Variants in THADA observed in about 807,000 individuals in gnomAD.
THADA encodes the protein THADA armadillo repeat containing.
In THADA, 213 loss-of-function variants were observed where a neutral mutation model predicts 219.8. The ratio of observed to expected loss-of-function variants is 0.97; its 90% CI spans 0.87 to 1.09. The LOEUF (loss-of-function observed/expected upper bound fraction) is 1.09. Ranked by LOEUF, THADA falls within the 50% of genes least tolerant of loss-of-function variation. The pLI is 0.00. For synonymous variants in THADA, 1,018 were observed against 828.9 expected (o/e 1.23, Z -3.92); for missense variants, 2,956 against 2,311.3 (o/e 1.28, Z -5.72).
intron 34 of THADA, among the ~76,000 whole-genome samples, chr2:43,288,693 T>A (rs921497598): frequency 2.0e-5 from 3 of 152,214 alleles, no homozygotes; most frequent in African/African-American, 7.2e-5. Context: ...TCAGGGTTTT[T>A]AAGGAAGCTT....
chr2:43,409,925 G>A (rs946962895), intron 28 of THADA, among the ~76,000 whole-genome samples: 3 of 151,952 alleles, frequency 2.0e-5, no homozygotes, highest in African/African-American at 7.3e-5. Context: ...GCTGAGGTAG[G>A]AGGATTGCTT....
intron 26 of THADA, among the ~76,000 whole-genome samples, chr2:43,433,908 C>T (rs1187020892): frequency 1.3e-5 from 2 of 152,162 alleles, no homozygotes; most frequent in African/African-American, 2.4e-5. Context: ...AGGCTGGTCT[C>T]GAACTCCTGA....
chr2:43,271,881 C>A (rs1672164077), intron 36 of THADA, among the ~76,000 whole-genome samples: 1 of 152,132 alleles, frequency 6.6e-6, no homozygotes, highest in African/African-American at 2.4e-5. Context: ...TCCCAGAGTG[C>A]TAGGATTACA....
chr2:43,410,836 T>C (rs957270243), intron 28 of THADA, among the ~76,000 whole-genome samples: 2 of 152,210 alleles, frequency 1.3e-5, no homozygotes, highest in East Asian at 3.8e-4. Flanking sequence ...TTGTACACTT[T>C]AAACATGTGC....
intron 37 of THADA, among the ~76,000 whole-genome samples, chr2:43,231,835 A>G (rs1013530331): frequency 2.0e-5 from 3 of 152,160 alleles, no homozygotes; most frequent in Non-Finnish European, 4.4e-5. Context: ...CCATGTCTCC[A>G]AATTTCTCAT....
intron 29 of THADA, 103 bp from the exon 30 acceptor site, chr2:43,344,340 A>G: frequency 4.0e-6 from 3 of 747,876 alleles, no homozygotes; most frequent in Non-Finnish European, 6.4e-6. Flanking sequence ...CTCAAAGAAA[A>G]CAGACACCTG....
At chr2:43,334,466 C>G (rs890736754) in intron 30 of THADA, among the ~76,000 whole-genome samples, 6 of 152,336 alleles carry the variant, frequency 3.9e-5, no homozygotes, top group South Asian at 2.1e-4. Context: ...CTCATCAGCA[C>G]TGTTTTATGC....
intron 36 of THADA, among the ~76,000 whole-genome samples, chr2:43,244,636 G>T (rs1402992148): frequency 6.6e-6 from 1 of 152,238 alleles, no homozygotes; most frequent in Non-Finnish European, 1.5e-5. Flanking sequence ...AGTGGGCCCT[G>T]TCCAGCCATT....
intron 28 of THADA, among the ~76,000 whole-genome samples, chr2:43,427,606 T>C (rs1306651393): frequency 2.7e-5 from 4 of 148,302 alleles, no homozygotes; most frequent in African/African-American, 9.8e-5. Context: ...ATAATATATA[T>C]AATAGTTATA....
chr2:43,533,356 A>C (rs1438894803), intron 21 of THADA, among the ~76,000 whole-genome samples: 1 of 152,224 alleles, frequency 6.6e-6, no homozygotes, highest in Non-Finnish European at 1.5e-5. Context: ...CTAGAACTAG[A>C]AATAACATTT....
intron 21 of THADA, among the ~76,000 whole-genome samples, chr2:43,533,583 C>A (rs1285784990): frequency 6.6e-6 from 1 of 152,184 alleles, no homozygotes; most frequent in East Asian, 1.9e-4. Flanking sequence ...AGTTCATGTC[C>A]TTTGCAGGGA....
chr2:43,385,537 G>A (rs926881669), intron 29 of THADA, among the ~76,000 whole-genome samples: 5 of 151,580 alleles, frequency 3.3e-5, no homozygotes, highest in East Asian at 3.9e-4. Context: ...AACCCGGAAG[G>A]CGGAGCTTGC....
intron 28 of THADA, among the ~76,000 whole-genome samples, chr2:43,409,166 A>G (rs1675965294): frequency 6.6e-6 from 1 of 152,234 alleles, no homozygotes; most frequent in Non-Finnish European, 1.5e-5. Flanking sequence ...GCTGTATGAA[A>G]GAAATTTGAG....
At chr2:43,492,983 C>G (rs1392233358) in intron 25 of THADA, among the ~76,000 whole-genome samples, 3 of 152,306 alleles carry the variant, frequency 2.0e-5, no homozygotes, top group South Asian at 4.1e-4. Context: ...TAGAGCACAG[C>G]TAGGTTTCAG....
intron 21 of THADA, among the ~76,000 whole-genome samples, chr2:43,531,941 C>T (rs1220829826): frequency 6.6e-6 from 1 of 150,896 alleles, no homozygotes; most frequent in African/African-American, 2.4e-5. Context: ...TATAAAAACC[C>T]AATAGGCAAA....
At chr2:43,264,469 GA>G (rs1558486859) in intron 36 of THADA, among the ~76,000 whole-genome samples, 1 of 152,006 alleles carries the variant, frequency 6.6e-6, no homozygotes, top group Non-Finnish European at 1.5e-5. Context: ...ATTTTTAGTA[GA>G]GACGGGGTTT....
chr2:43,251,524 C>A (rs1669805845), intron 36 of THADA, among the ~76,000 whole-genome samples: 1 of 152,250 alleles, frequency 6.6e-6, no homozygotes, highest in South Asian at 2.1e-4. Context: ...CTCACCTGGT[C>A]TGCTTCCTGT....
chr2:43,298,766 C>A (rs1037319213), intron 31 of THADA, among the ~76,000 whole-genome samples: 1 of 151,966 alleles, frequency 6.6e-6, no homozygotes, highest in Admixed American at 6.6e-5. Flanking sequence ...CACCAGGAAG[C>A]CAGGGAATGA....
chr2:43,379,251 GA>G (rs1195573968), intron 29 of THADA, among the ~76,000 whole-genome samples: 1 of 152,044 alleles, frequency 6.6e-6, no homozygotes, highest in Non-Finnish European at 1.5e-5. Flanking sequence ...CTCTTAAAAA[GA>G]TAGAGATGGA....
Sources: allele counts gnomAD v4.1 joint callset (sites outside exome capture counted in the v4.1 genomes callset), GRCh38; gene constraint gnomAD v4.1.1; transcripts MANE v1.5; gene names NCBI Gene and HGNC (gene_info 2026-07-23, HGNC 2026-07-21).